Variants in RBM4 observed in about 807,000 individuals in gnomAD.
The protein encoded by RBM4 is RNA-binding protein 4.
Under a neutral mutation model 29.5 loss-of-function variants are expected in RBM4, and 7 were observed. The ratio of observed to expected loss-of-function variants is 0.24; its 90% CI spans 0.14 to 0.45. RBM4 has a LOEUF of 0.45. RBM4 is among the 20% of genes least tolerant of loss of function. The pLI, the probability that RBM4 is intolerant of heterozygous loss-of-function variation, is 1.00. For missense variants in RBM4, 387 were observed against 502.3 expected, an observed-to-expected ratio of 0.77 and a Z score of 2.19; for synonymous variants, 220 against 205.4, an observed-to-expected ratio of 1.07 and a Z score of -0.61.
In RBM4 at chr11:66,639,957, G is replaced by C. The variant is rs754651852; in HGVS notation, c.246G>C (p.Val82=). Residue 82 remains valine, a synonymous_variant, in exon 2 of 4, where the codon GTG becomes GTC. Coordinates refer to ENST00000310092, the MANE Select transcript of RBM4 (RefSeq NM_002896.4). ...NKSKTSTKLH[V]GNISPTCTNK... ...GCAAAACCTCAACAAAGTTGCATGT[G>C]GGCAACATCAGTCCCACCTGCACCA... is the stretch of plus-strand genomic sequence containing the variant. 3.1e-6 allele frequency: 5 copies of C among 1,614,158 alleles called. No individual in the cohort carries two copies. The South Asian group carries it at 4.4e-5, about 14-fold the overall frequency.
downstream of RBM4, chr11:66,649,590 A>C (rs1009992438): frequency 5.2e-6 from 3 of 581,150 alleles, no homozygotes; most frequent in Admixed American, 3.2e-5. Context: ...GATTTTCAAC[A>C]TCAATGTATT....
At chr11:66,666,909 A>G (rs2135228879) in exon 3 of RBM4, 1 of 148,756 alleles carries the variant, frequency 6.7e-6, no homozygotes, top group South Asian at 2.2e-4. Flanking sequence ...TTTGCTTTTT[A>G]ATTTTTTTTT....
chr11:66,666,378 G>C lies in RBM4; in HGVS notation c.*413G>C, dbSNP rs1051890057. 3 of 994,988 alleles carry C rather than the reference G, an allele frequency of 3.0e-6. No homozygotes were observed. The African/African-American group carries it at 5.2e-5, about 17-fold the overall frequency. 61.6% of individuals were successfully genotyped at this position (994,988 alleles called of 1,614,324 possible). On this transcript the variant is annotated 3_prime_UTR_variant, in exon 3 of 3. Transcript: ENST00000396053. ...TCTTGGATCAGTTCTGCTAGGGTGAGACCCGAATTTGGATCCCCAACAGTT... is the reference window on the plus strand; with the variant it reads ...TCTTGGATCAGTTCTGCTAGGGTGACACCCGAATTTGGATCCCCAACAGTT...
chr11:66,638,855 C>G (rs1406660631), intron 1 of RBM4, 103 bp downstream of exon 1: 1 of 152,414 alleles, frequency 6.6e-6, no homozygotes, highest in African/African-American at 2.4e-5. Flanking sequence ...GTCTCCACAC[C>G]CGTCACTGAG....
chr11:66,660,632 A>C (rs1590874223), intron 2 of RBM4, among the ~76,000 whole-genome samples: 3 of 139,780 alleles, frequency 2.1e-5, no homozygotes, highest in African/African-American at 8.1e-5. Flanking sequence ...TAGGTAGGCC[A>C]CTGCACCCGA....
intron 3 of RBM4, among the ~76,000 whole-genome samples, chr11:66,644,993 A>G (rs1298866319): frequency 6.6e-6 from 1 of 151,432 alleles, no homozygotes; most frequent in Non-Finnish European, 1.5e-5. Flanking sequence ...TTCTCAGGGT[A>G]TATGTTTTAA....
downstream of RBM4, among the ~76,000 whole-genome samples, chr11:66,648,686 C>G (rs577668951): frequency 1.3e-5 from 2 of 151,616 alleles, no homozygotes; most frequent in African/African-American, 4.9e-5. Context: ...TGGTGGCAGG[C>G]GCCTTAATTG....
downstream of RBM4, among the ~76,000 whole-genome samples, chr11:66,648,536 C>T (rs1332608628): frequency 6.6e-6 from 1 of 150,956 alleles, no homozygotes; most frequent in Non-Finnish European, 1.5e-5. Flanking sequence ...AACTTTTTGC[C>T]AGGCGCGGTG....
chr11:66,659,359 C>T (rs1939030045), intron 2 of RBM4, among the ~76,000 whole-genome samples: 1 of 150,710 alleles, frequency 6.6e-6, no homozygotes, highest in Admixed American at 6.6e-5. Flanking sequence ...CAAGCTCCGC[C>T]CCCCGGATTC....
chr11:66,657,088 C>A (rs1354896597), intron 2 of RBM4, among the ~76,000 whole-genome samples: 3 of 150,914 alleles, frequency 2.0e-5, no homozygotes, highest in Admixed American at 2.0e-4. Flanking sequence ...TAATCCTCAG[C>A]CCCTGATCAA....
At chr11:66,662,025 A>G (rs541989236) in intron 2 of RBM4, among the ~76,000 whole-genome samples, 10 of 152,308 alleles carry the variant, frequency 6.6e-5, no homozygotes, top group African/African-American at 9.6e-5. Context: ...GCGAGACTCC[A>G]TCTCAAAACA....
exon 3 of RBM4, chr11:66,666,153 T>A: frequency 1.3e-6 from 1 of 753,130 alleles, no homozygotes; most frequent in Non-Finnish European, 2.0e-6. Flanking sequence ...GTAGTTCCCC[T>A]AATTGACCAA....
In RBM4 at chr11:66,665,732, A is replaced by AT. The variant is rs1236128180; in HGVS notation, c.413-122dup. ...CTGGATCTAACTCATATCCCATGTA[A>AT]TTACCTAGGAGTCTATCAATAGCTA... On this transcript the variant is annotated intron_variant, in intron 2 of 2. Transcript: ENST00000396053. 4 of 1,363,474 alleles carry AT rather than the reference A, an allele frequency of 2.9e-6. No homozygotes were observed. The African/African-American group carries it at 4.4e-5, about 15-fold the overall frequency. The allele number at this position is 1,363,474 out of a possible 1,614,324, so 84.5% of individuals were successfully genotyped here.
chr11:66,656,698 T>C (rs1938956246), intron 2 of RBM4, among the ~76,000 whole-genome samples: 1 of 152,196 alleles, frequency 6.6e-6, no homozygotes, highest in African/African-American at 2.4e-5. Context: ...TCTCACTCTA[T>C]TGCCCAGGCT....
chr11:66,649,765 G>A (rs1228245990), downstream of RBM4: 11 of 701,834 alleles, frequency 1.6e-5, no homozygotes, highest in Non-Finnish European at 2.6e-5. Context: ...AAGCTGCAGT[G>A]TGGTGGCATG....
Position 66,643,790 on chromosome 11 carries a change from G to T in RBM4, c.753G>T (p.Gln251His). The T allele has an allele frequency of 6.2e-7, 1 of 1,613,866 alleles. No homozygotes were observed. Among genetic ancestry groups the T allele is most frequent in the Non-Finnish European group, 8.5e-7 (1 of 1,179,980 alleles). Residue 251 changes from glutamine to histidine, a missense_variant, in exon 3 of 4, where the codon CAG (glutamine) becomes CAT (histidine). By Grantham distance (24) the Gln-to-His change is conservative (BLOSUM62 0). This residue lies in a region of RBM4 where 281 missense variants were observed against 288.7 expected (regional missense o/e 0.97). Coordinates refer to ENST00000310092, the MANE Select transcript of RBM4 (RefSeq NM_002896.4). The surrounding 1 kb of genome is among the most constrained non-coding windows in gnomAD (Gnocchi z 6.1). ...ATTACGCAGAGCAGACCCTGTCCCAGCTGCCACAAGTCCAGAATACAGCCA... is the reference window on the plus strand; with the variant it reads ...ATTACGCAGAGCAGACCCTGTCCCATCTGCCACAAGTCCAGAATACAGCCA... Reference protein sequence around the residue: ...VYNYAEQTLSQLPQVQNTAMA... With the variant: ...VYNYAEQTLSHLPQVQNTAMA...
chr11:66,659,466 A>G, intron 2 of RBM4, among the ~76,000 whole-genome samples: 1 of 151,602 alleles, frequency 6.6e-6, no homozygotes, highest in Non-Finnish European at 1.5e-5. Context: ...CAAAATTTAG[A>G]GACGGGATTT....
intron 3 of RBM4, chr11:66,644,875 T>TCA: frequency 1.0e-5 from 2 of 191,020 alleles, no homozygotes; most frequent in Non-Finnish European, 1.9e-5. Context: ...CCCACTCCAT[T>TCA]GCTATATCTT....
At chr11:66,651,382 C>G (rs1209927988), downstream of RBM4, among the ~76,000 whole-genome samples, 1 of 150,036 alleles carries the variant, frequency 6.7e-6, no homozygotes, top group Non-Finnish European at 1.5e-5. Context: ...GAGTCTTGCT[C>G]TGTCACCCAG....
Sources: allele counts gnomAD v4.1 joint callset (sites outside exome capture counted in the v4.1 genomes callset), GRCh38; gene constraint gnomAD v4.1.1; regional missense constraint gnomAD v4.1.1; non-coding constraint Gnocchi (gnomAD v3.1); transcripts MANE v1.5; gene names NCBI Gene and HGNC (gene_info 2026-07-23, HGNC 2026-07-21).